The following FAM227B variants were observed in gnomAD, a reference collection of about 807,000 sequenced individuals.
The protein encoded by FAM227B is family with sequence similarity 227 member B.
In FAM227B, 88 loss-of-function variants were observed where a neutral mutation model predicts 73.8. The ratio of observed to expected loss-of-function variants is 1.19; its 90% CI spans 1.00 to 1.42. The LOEUF (loss-of-function observed/expected upper bound fraction) is 1.42, where lower values mean the gene tolerates loss of function less well. FAM227B is among the 40% of genes most tolerant of loss of function. The probability of loss-of-function intolerance (pLI) is 0.00; values close to 1 mark genes in which losing one functional copy is unlikely to be tolerated. For missense variants in FAM227B, 632 were observed against 590.9 expected (o/e 1.07, Z -0.72); for synonymous variants, 210 against 190.5 (o/e 1.10, Z -0.84).
Position 49,589,851 on chromosome 15 carries a change from A to C in FAM227B, c.262T>G (p.Leu88Val). 1 of 1,609,638 alleles carries C rather than the reference A, an allele frequency of 6.2e-7. No individual in the cohort carries two copies. The highest frequency in any genetic ancestry group is 1.7e-4 in the Middle Eastern group (1 of 6,046). The change falls in exon 4 of 16, where the codon TTA becomes GTA. Residue 88 changes from leucine (L) to valine (V), a missense_variant. Physicochemically the swap from Leu to Val is conservative, Grantham distance 32. Coordinates refer to ENST00000299338, the MANE Select transcript of FAM227B (RefSeq NM_152647.3). ...TGCAAAATAAGTGAATATTCCTTTAATTTTGATTCCATGATCAAAAGTGCT... is the reference window on the plus strand; with the variant it reads ...TGCAAAATAAGTGAATATTCCTTTACTTTTGATTCCATGATCAAAAGTGCT... ...FEALLIMESK[L>V]KEYSLILQNH...
intron 10 of FAM227B, among the ~76,000 whole-genome samples, chr15:49,508,810 G>A (rs1472360718): frequency 6.6e-6 from 1 of 152,134 alleles, no homozygotes. Flanking sequence ...ATTCACTTGA[G>A]TGCTTCTAGA....
At chr15:49,552,833 C>T (rs992748894) in intron 9 of FAM227B, among the ~76,000 whole-genome samples, 2 of 152,096 alleles carry the variant, frequency 1.3e-5, no homozygotes, top group African/African-American at 4.8e-5. Context: ...ATTTCTATCT[C>T]TTTGTTAAGT....
At chr15:49,568,732 C>T (rs961805871) in intron 8 of FAM227B, among the ~76,000 whole-genome samples, 4 of 152,028 alleles carry the variant, frequency 2.6e-5, no homozygotes, top group East Asian at 3.9e-4. Context: ...AGGAATAAAT[C>T]CCATTGGTTA....
intron 9 of FAM227B, among the ~76,000 whole-genome samples, chr15:49,550,906 G>A (rs986103514): frequency 5.9e-5 from 9 of 152,092 alleles, no homozygotes; most frequent in African/African-American, 1.7e-4. Context: ...CTGCAATCTC[G>A]GCACTTTGGG....
chr15:49,558,552 A>G (rs1234797394), intron 9 of FAM227B, among the ~76,000 whole-genome samples: 3 of 151,660 alleles, frequency 2.0e-5, no homozygotes, highest in Non-Finnish European at 2.9e-5. Context: ...TGAAAACCCA[A>G]CTCCCACAGG....
intron 10 of FAM227B, among the ~76,000 whole-genome samples, chr15:49,536,941 T>C (rs1445842912): frequency 6.6e-6 from 1 of 151,990 alleles, no homozygotes; most frequent in Non-Finnish European, 1.5e-5. Flanking sequence ...TACCTAAATG[T>C]AAGACACAAA....
Position 49,340,553 on chromosome 15 carries a change from G to A in FAM227B, c.1272-5057C>T, listed in dbSNP as rs62012168. On this transcript the variant is annotated intron_variant, in intron 13 of 15. Transcript: ENST00000299338. Reference sequence around the variant, plus strand: ...ATCTTGCTGGAAGCTGCAGACCAGCGCTTTTCCTATTAGGCCATCTTGCCA... The same window carrying A: ...ATCTTGCTGGAAGCTGCAGACCAGCACTTTTCCTATTAGGCCATCTTGCCA... Among the ~76,000 whole-genome samples, 1,220 of 152,166 alleles carry A rather than the reference G, an allele frequency of 8.0e-3. 11 individuals are homozygous for A. Among genetic ancestry groups the A allele is most frequent in the Non-Finnish European group, 0.014 (976 of 67,998 alleles).
intron 13 of FAM227B, among the ~76,000 whole-genome samples, chr15:49,342,224 A>T (rs984359132): frequency 1.3e-5 from 2 of 152,166 alleles, no homozygotes; most frequent in African/African-American, 4.8e-5. Flanking sequence ...TGCTGGGTGC[A>T]TATATATTTA....
At chr15:49,441,629 C>T (rs1255597796) in intron 11 of FAM227B, among the ~76,000 whole-genome samples, 1 of 151,610 alleles carries the variant, frequency 6.6e-6, no homozygotes, top group Non-Finnish European at 1.5e-5. Context: ...TTCTGATTCA[C>T]CACAGCAGTA....
In FAM227B at chr15:49,525,689, T is replaced by C. The variant is rs1203086530; in HGVS notation, c.874+15991A>G. On this transcript the variant is annotated intron_variant, in intron 10 of 15. Coordinates refer to ENST00000299338, the MANE Select transcript of FAM227B (RefSeq NM_152647.3). The stretch of plus-strand genomic sequence containing the variant: ...AAATATATATATATATATATATATA[T>C]ATATATATATATATATATATATATA... Among the ~76,000 whole-genome samples, 131 of 58,684 alleles carry C rather than the reference T, an allele frequency of 2.2e-3. 6 individuals are homozygous for C. The highest frequency in any genetic ancestry group is 0.02 in the East Asian group (44 of 2,150). 38.5% of individuals were successfully genotyped at this position (58,684 alleles called of 152,430 possible). A position where few individuals can be genotyped will look rare whatever the true frequency, so the allele number is the denominator to read the frequency against.
chr15:49,525,249 T>C (rs2060077606), intron 10 of FAM227B, among the ~76,000 whole-genome samples: 1 of 152,008 alleles, frequency 6.6e-6, no homozygotes, highest in Admixed American at 6.6e-5. Flanking sequence ...CTGATGTTCT[T>C]GGGATAGTGA....
At position 49,328,828 on chromosome 15, in the gene FAM227B, T is replaced by G. The variant is rs2038008943; in HGVS notation, c.1420-153A>C. On this transcript the variant is annotated intron_variant, in intron 15 of 15. Coordinates refer to ENST00000299338, the MANE Select transcript of FAM227B (RefSeq NM_152647.3). Reference sequence around the variant, plus strand: ...TACAGGAAGAAAATTCAGACTCATTTGAATATTTGTAAACCATGTAATATA... The same window carrying G: ...TACAGGAAGAAAATTCAGACTCATTGGAATATTTGTAAACCATGTAATATA... 2.1e-6 allele frequency: 3 copies of G among 1,410,296 alleles called. No homozygotes were observed. In the East Asian group the frequency reaches 7.5e-5, roughly 35 times the overall value. 87.4% of individuals were successfully genotyped at this position (1,410,296 alleles called of 1,614,324 possible).
chr15:49,578,603 AAAG>A (rs1298097376), intron 5 of FAM227B, among the ~76,000 whole-genome samples: 2 of 152,242 alleles, frequency 1.3e-5, no homozygotes, highest in South Asian at 2.1e-4. Context: ...CATATATTAG[AAAG>A]AAGATGACAT....
intron 11 of FAM227B, chr15:49,395,998 G>A (rs951935706): frequency 1.3e-5 from 6 of 455,874 alleles, no homozygotes; most frequent in Non-Finnish European, 2.6e-5. Context: ...GAGGAGCCAA[G>A]ATGGCCAAAT....
At chr15:49,380,431 C>T (rs1236089950) in intron 11 of FAM227B, among the ~76,000 whole-genome samples, 1 of 151,964 alleles carries the variant, frequency 6.6e-6, no homozygotes, top group Non-Finnish European at 1.5e-5. Flanking sequence ...TTTCCCTCTG[C>T]TTTTCTCAAG....
intron 11 of FAM227B, among the ~76,000 whole-genome samples, chr15:49,421,451 C>T (rs928234576): frequency 1.3e-5 from 2 of 152,156 alleles, no homozygotes; most frequent in East Asian, 3.8e-4. Flanking sequence ...GCATCTAATG[C>T]ACTTTCATAG....
intron 13 of FAM227B, among the ~76,000 whole-genome samples, chr15:49,364,403 G>C (rs530259988): frequency 5.3e-5 from 8 of 152,230 alleles, no homozygotes; most frequent in African/African-American, 1.9e-4. Flanking sequence ...TGTGCATAGA[G>C]ATGTTCATAG....
At chr15:49,366,271 T>C (rs1041372236) in intron 13 of FAM227B, 2 of 786,966 alleles carry the variant, frequency 2.5e-6, no homozygotes, top group Non-Finnish European at 4.7e-6. Flanking sequence ...CACTTATAAA[T>C]GCAATCAGTA....
chr15:49,540,274 G>T (rs1210515964), intron 10 of FAM227B, among the ~76,000 whole-genome samples: 3 of 152,174 alleles, frequency 2.0e-5, no homozygotes, highest in African/African-American at 7.2e-5. Flanking sequence ...CCTTTGCAGA[G>T]CAGGCCACTG....
Sources: gnomAD v4.1 joint callset for allele counts (sites outside exome capture counted in the v4.1 genomes callset) on GRCh38, gnomAD v4.1.1 for gene constraint, MANE v1.5 for transcripts, NCBI Gene and HGNC (gene_info 2026-07-23, HGNC 2026-07-21) for gene names.